ANKS1B: variants seen among roughly 807,000 people sequenced by gnomAD.
The protein encoded by ANKS1B is ankyrin repeat and sterile alpha motif domain containing 1B.
ANKS1B carries 36 observed loss-of-function variants against 148.3 expected under a neutral mutation model. That is an observed-to-expected ratio of 0.24 (90% confidence interval 0.19 to 0.32). ANKS1B has a LOEUF of 0.32. Ranked by LOEUF, ANKS1B falls within the 10% of genes least tolerant of loss-of-function variation. The pLI is 1.00. For missense variants in ANKS1B, 1,157 were observed against 1,542.6 expected, an observed-to-expected ratio of 0.75 and a Z score of 4.19; for synonymous variants, 542 against 560.8, an observed-to-expected ratio of 0.97 and a Z score of 0.47.
chr12:99,474,363 G>A (rs2096284296), intron 10 of ANKS1B, among the ~76,000 whole-genome samples: 1 of 151,940 alleles, frequency 6.6e-6, no homozygotes, highest in Admixed American at 6.6e-5. Flanking sequence ...GTTATGACTA[G>A]TAATTAGTAC....
intron 15 of ANKS1B, among the ~76,000 whole-genome samples, chr12:99,087,841 T>C (rs1565988474): frequency 6.6e-6 from 1 of 152,168 alleles, no homozygotes; most frequent in South Asian, 2.1e-4. Context: ...GACAACTGGA[T>C]TTCAGTGTTT....
chr12:99,320,118 C>T (rs553458533), intron 12 of ANKS1B, among the ~76,000 whole-genome samples: 1 of 152,254 alleles, frequency 6.6e-6, no homozygotes, highest in East Asian at 1.9e-4. Flanking sequence ...TCTGGCTGCC[C>T]TTAATATTTT....
chr12:99,382,220 C>T (rs1395218259), intron 12 of ANKS1B, among the ~76,000 whole-genome samples: 1 of 152,134 alleles, frequency 6.6e-6, no homozygotes, highest in Admixed American at 6.5e-5. Flanking sequence ...AGTCATAATG[C>T]CACTCAGGGA....
chr12:99,379,265 A>T (rs2093535784), intron 12 of ANKS1B, among the ~76,000 whole-genome samples: 1 of 152,226 alleles, frequency 6.6e-6, no homozygotes, highest in Non-Finnish European at 1.5e-5. Context: ...TAAAGAGATA[A>T]TTGAGAGGCA....
chr12:99,056,810 T>G (rs2040347991), intron 16 of ANKS1B, among the ~76,000 whole-genome samples: 1 of 152,218 alleles, frequency 6.6e-6, no homozygotes, highest in Non-Finnish European at 1.5e-5. Flanking sequence ...TCTGGAGTGA[T>G]TTCTTCAGGA....
Position 99,984,184 on chromosome 12 carries a change from C to G in ANKS1B, c.54G>C (p.Leu18=). Residue 18 remains leucine (L), a synonymous_variant, in exon 1 of 27, where the codon CTG becomes CTC. Coordinates refer to ENST00000683438, the MANE Select transcript of ANKS1B (RefSeq NM_001352186.2). ...TCCTGCCAGACAGGAGTTTCTCCAC[C>G]AGAGCCACATTTCCAGTGCGAGCAG... is the stretch of plus-strand genomic sequence containing the variant. ...LEAARTGNVA[L]VEKLLSGRKG... is the part of the protein sequence containing the mutation. The G allele has an allele frequency of 6.2e-7, 1 of 1,613,932 alleles. No individual in the cohort carries two copies.
intron 17 of ANKS1B, among the ~76,000 whole-genome samples, chr12:98,895,931 T>C (rs1371107840): frequency 6.6e-6 from 1 of 152,246 alleles, no homozygotes; most frequent in Non-Finnish European, 1.5e-5. Flanking sequence ...GCTTACAGGC[T>C]GCTTAATACC....
At chr12:98,822,144 A>AT (rs144320891) in intron 19 of ANKS1B, among the ~76,000 whole-genome samples, 3,710 of 152,080 alleles carry the variant, frequency 0.024, 85 homozygotes, top group East Asian at 0.09. Context: ...CTTGAGTTGG[A>AT]TTTTTTGTTA....
chr12:99,039,354 T>C (rs2099957484), intron 17 of ANKS1B, among the ~76,000 whole-genome samples: 1 of 152,242 alleles, frequency 6.6e-6, no homozygotes, highest in Admixed American at 6.5e-5. Flanking sequence ...TCTTCCTCTG[T>C]GTCTTTCTTT....
At chr12:98,990,401 CA>C (rs1384144664) in intron 17 of ANKS1B, among the ~76,000 whole-genome samples, 1 of 150,544 alleles carries the variant, frequency 6.6e-6, no homozygotes, top group Non-Finnish European at 1.5e-5. Context: ...TATCTCCTTT[CA>C]AAAAAATGAG....
At chr12:99,476,413 A>C (rs578160662) in intron 10 of ANKS1B, among the ~76,000 whole-genome samples, 112 of 152,270 alleles carry the variant, frequency 7.4e-4, no homozygotes, top group Non-Finnish European at 1.3e-3. Flanking sequence ...ATAAAATAAA[A>C]ATTGAAAAGA....
chr12:99,212,444 A>T (rs1464730985), intron 14 of ANKS1B, among the ~76,000 whole-genome samples: 1 of 151,842 alleles, frequency 6.6e-6, no homozygotes, highest in Non-Finnish European at 1.5e-5. Flanking sequence ...ACATACTCTG[A>T]CCTTGCCAGC....
chr12:99,592,007 T>C (rs1308092268), intron 9 of ANKS1B, among the ~76,000 whole-genome samples: 2 of 152,210 alleles, frequency 1.3e-5, no homozygotes, highest in African/African-American at 4.8e-5. Flanking sequence ...ATAATGTGTA[T>C]GGTTTATTTA....
At chr12:98,938,326 G>A (rs2099823923) in intron 17 of ANKS1B, among the ~76,000 whole-genome samples, 1 of 152,150 alleles carries the variant, frequency 6.6e-6, no homozygotes, top group South Asian at 2.1e-4. Flanking sequence ...CAAGTGACGT[G>A]AGCAAAACAA....
At chr12:99,190,492 G>A (rs540225237) in intron 14 of ANKS1B, among the ~76,000 whole-genome samples, 1 of 152,248 alleles carries the variant, frequency 6.6e-6, no homozygotes, top group South Asian at 2.1e-4. Flanking sequence ...TACAAAAACA[G>A]ATATACAGAG....
rs1196713614 is a variant in ANKS1B at position 99,632,742 on chromosome 12, T to G, written c.1272+22325A>C. Among the ~76,000 whole-genome samples the G allele has an allele frequency of 1.4e-4, 10 of 71,010 alleles. 2 individuals carry two copies. In the East Asian group the frequency reaches 3.1e-3, roughly 22 times the overall value. 46.6% of individuals were successfully genotyped at this position (71,010 alleles called of 152,430 possible). On this transcript the variant is annotated intron_variant, in intron 9 of 26. Transcript: ENST00000683438. ...CCTTTTCTTTCTATATATATATATA[T>G]ATATATATATATATATATATATATA...
chr12:99,173,882 A>G (rs1041404533), intron 14 of ANKS1B, among the ~76,000 whole-genome samples: 2 of 152,110 alleles, frequency 1.3e-5, no homozygotes, highest in Non-Finnish European at 2.9e-5. Context: ...GGATAGGTAT[A>G]TGACCAAAAT....
At chr12:99,340,762 T>TA (rs1278012475) in intron 12 of ANKS1B, among the ~76,000 whole-genome samples, 3 of 151,696 alleles carry the variant, frequency 2.0e-5, no homozygotes, top group South Asian at 2.1e-4. Context: ...TGAGAACTTT[T>TA]AAAAAAAATG....
intron 12 of ANKS1B, among the ~76,000 whole-genome samples, chr12:99,342,440 T>C (rs752100275): frequency 6.6e-6 from 1 of 152,032 alleles, no homozygotes; most frequent in South Asian, 2.1e-4. Context: ...TCATAGACAG[T>C]AAGTAAAAAC....
Sources: allele counts gnomAD v4.1 joint callset (sites outside exome capture counted in the v4.1 genomes callset), GRCh38; gene constraint gnomAD v4.1.1; transcripts MANE v1.5; gene names NCBI Gene and HGNC (gene_info 2026-07-23, HGNC 2026-07-21).